KCNQ1OT1: variants seen among roughly 807,000 people sequenced by gnomAD.
The protein encoded by KCNQ1OT1 is KCNQ1 opposite strand/antisense transcript 1, also known as KCNQ1 antisense RNA 2 (non-protein coding).
exon 1 of KCNQ1OT1, chr11:2,619,469 A>G: frequency 2.5e-6 from 1 of 398,598 alleles, no homozygotes; most frequent in South Asian, 1.3e-4. Flanking sequence ...TATCACATTG[A>G]TTGCTACATG....
chr11:2,609,150 T>C lies in KCNQ1OT1; in HGVS notation n.90845A>G, dbSNP rs879543958. On this transcript the variant is annotated non_coding_transcript_exon_variant, in exon 1 of 1. Coordinates refer to ENST00000597346, the Ensembl canonical transcript of KCNQ1OT1. ...TGATTTGAAGCCTTATTTTTTGATA[T>C]AGGCATTCATAGCTATAAAATTCCA... 116 of 398,216 alleles carry C rather than the reference T, an allele frequency of 2.9e-4. 1 individual carries two copies. The highest frequency in any genetic ancestry group is 2.0e-4 in the Non-Finnish European group (46 of 225,940). The allele number at this position is 398,216 out of a possible 1,614,324, so 24.7% of individuals were successfully genotyped here. A position where few individuals can be genotyped will look rare whatever the true frequency, so the allele number is the denominator to read the frequency against.
Position 2,613,517 on chromosome 11 carries a change from A to AT in KCNQ1OT1, n.86477dup, listed in dbSNP as rs1170938754. The AT allele has an allele frequency of 7.5e-6, 3 of 398,414 alleles. No homozygotes were observed. The highest frequency in any genetic ancestry group is 1.3e-5 in the Non-Finnish European group (3 of 226,030). 24.7% of individuals were successfully genotyped at this position (398,414 alleles called of 1,614,324 possible). ...CGTGCCCCTGAGCTTGGGTGGGGAG[A>AT]TGGCAGCCCCACGTTAAATCATAAC... On this transcript the variant is annotated non_coding_transcript_exon_variant, in exon 1 of 1. Transcript: ENST00000597346. This position sits in a 1 kb window ranked among gnomAD's most constrained non-coding sequence, Gnocchi z 4.8.
exon 1 of KCNQ1OT1, chr11:2,697,733 ATTG>A (rs1210668330): frequency 1.0e-5 from 4 of 398,490 alleles, no homozygotes; most frequent in Admixed American, 4.4e-5. Flanking sequence ...TTGTTTAAGA[ATTG>A]TTGTTTAATA....
In KCNQ1OT1 at chr11:2,682,313, A is replaced by G. The variant is rs1564856711; in HGVS notation, n.17682T>C. The G allele has an allele frequency of 2.5e-6, 1 of 398,516 alleles. No individual in the cohort carries two copies. Among genetic ancestry groups the G allele is most frequent in the Non-Finnish European group, 4.4e-6 (1 of 226,050 alleles). 24.7% of individuals were successfully genotyped at this position (398,516 alleles called of 1,614,324 possible). On this transcript the variant is annotated non_coding_transcript_exon_variant, in exon 1 of 1. Coordinates refer to ENST00000597346, the Ensembl canonical transcript of KCNQ1OT1. The surrounding 1 kb of genome is among the most constrained non-coding windows in gnomAD (Gnocchi z 5.8). ...ATCACATACCTCCCCTCCCATTCTTAATGTGTAACTGTGTGTTTATTTGTG... is the reference window on the plus strand; with the variant it reads ...ATCACATACCTCCCCTCCCATTCTTGATGTGTAACTGTGTGTTTATTTGTG...
In KCNQ1OT1 at chr11:2,624,471, A is replaced by G; in HGVS notation, n.75524T>C. The G allele has an allele frequency of 2.5e-6, 1 of 398,450 alleles. No individual in the cohort carries two copies. The highest frequency in any genetic ancestry group is 3.6e-5 in the East Asian group (1 of 28,042). The allele number at this position is 398,450 out of a possible 1,614,324, so 24.7% of individuals were successfully genotyped here. ...TTTCATGAATCATGCCTTTGGTGTC[A>G]TATCTAAAAAGCCATCACCAAACTA... On this transcript the variant is annotated non_coding_transcript_exon_variant, in exon 1 of 1. Coordinates refer to ENST00000597346, the Ensembl canonical transcript of KCNQ1OT1. This position sits in a 1 kb window ranked among gnomAD's most constrained non-coding sequence, Gnocchi z 4.9.
exon 1 of KCNQ1OT1, chr11:2,680,180 A>G (rs1850367979): frequency 7.6e-6 from 3 of 395,460 alleles, no homozygotes; most frequent in Non-Finnish European, 1.3e-5. Flanking sequence ...GCGTGAGCCA[A>G]TGCACCTGGC....
chr11:2,649,242 C>G, exon 1 of KCNQ1OT1: 1 of 398,222 alleles, frequency 2.5e-6, no homozygotes, highest in Non-Finnish European at 4.4e-6. Flanking sequence ...AGGACTTACT[C>G]CTGTCATTTT....
At chr11:2,643,226 T>C in exon 1 of KCNQ1OT1, 1 of 398,318 alleles carries the variant, frequency 2.5e-6, no homozygotes, top group African/African-American at 2.1e-5. Context: ...TAATTTTTTG[T>C]CTAGATGATC....
At chr11:2,619,833 CTTTG>C (rs1453739006) in exon 1 of KCNQ1OT1, 5 of 397,130 alleles carry the variant, frequency 1.3e-5, no homozygotes, top group African/African-American at 2.1e-5. Context: ...CTGGGCTTTT[CTTTG>C]TTTGAGGTTT....
At chr11:2,616,819 A>G (rs1849073203) in exon 1 of KCNQ1OT1, 2 of 398,112 alleles carry the variant, frequency 5.0e-6, no homozygotes, top group Non-Finnish European at 8.9e-6. Flanking sequence ...CATCCCTCCT[A>G]GGGAATGTTC....
At position 2,669,836 on chromosome 11, in the gene KCNQ1OT1, C is replaced by T. The variant is rs1850149258; in HGVS notation, n.30159G>A. 5.0e-6 allele frequency: 2 copies of T among 398,546 alleles called. No individual in the cohort carries two copies. The highest frequency in any genetic ancestry group is 8.8e-6 in the Non-Finnish European group (2 of 226,088). The allele number at this position is 398,546 out of a possible 1,614,324, so 24.7% of individuals were successfully genotyped here. A position where few individuals can be genotyped will look rare whatever the true frequency, so the allele number is the denominator to read the frequency against. ...TTGAGACTGCCAGGTCATGAGTTAC[C>T]ATGGGATACAAATGGGGTCACAACA... On this transcript the variant is annotated non_coding_transcript_exon_variant, in exon 1 of 1. Transcript: ENST00000597346. This position sits in a 1 kb window ranked among gnomAD's most constrained non-coding sequence, Gnocchi z 5.6.
In KCNQ1OT1 at chr11:2,617,450, A is replaced by G. The variant is rs1849085458; in HGVS notation, n.82545T>C. On this transcript the variant is annotated non_coding_transcript_exon_variant, in exon 1 of 1. Transcript: ENST00000597346. This position sits in a 1 kb window ranked among gnomAD's most constrained non-coding sequence, Gnocchi z 4.6. ...ATATTCCATTGTAGACATACACACC[A>G]CAGTTTAGTCATCCATCAATGGACA... 1 of 398,324 alleles carries G rather than the reference A, an allele frequency of 2.5e-6. No homozygotes were observed. The highest frequency in any genetic ancestry group is 2.1e-5 in the African/African-American group (1 of 48,610). The allele number at this position is 398,324 out of a possible 1,614,324, so 24.7% of individuals were successfully genotyped here. A position where few individuals can be genotyped will look rare whatever the true frequency, so the allele number is the denominator to read the frequency against.
rs1850116307 is a variant in KCNQ1OT1, at chr11:2,668,100, C to G, written n.31895G>C. The G allele has an allele frequency of 5.0e-6, 2 of 398,576 alleles. No homozygotes were observed. Among genetic ancestry groups the G allele is most frequent in the Non-Finnish European group, 8.8e-6 (2 of 226,054 alleles). The allele number at this position is 398,576 out of a possible 1,614,324, so 24.7% of individuals were successfully genotyped here. ...ACTCATACACCTTTGTGTCCAATGT[C>G]CCTCACTCAATTTGATGTCTGGCAG... On this transcript the variant is annotated non_coding_transcript_exon_variant, in exon 1 of 1. Coordinates refer to ENST00000597346, the Ensembl canonical transcript of KCNQ1OT1. The surrounding 1 kb of genome is among the most constrained non-coding windows in gnomAD (Gnocchi z 4.3).
chr11:2,672,289 G>T, exon 1 of KCNQ1OT1: 1 of 398,654 alleles, frequency 2.5e-6, no homozygotes. Flanking sequence ...CCACCAGCTG[G>T]GTGTGTGGGC....
chr11:2,663,099 G>T lies in KCNQ1OT1; in HGVS notation n.36896C>A, dbSNP rs1278573035. 2 of 398,578 alleles carry T rather than the reference G, an allele frequency of 5.0e-6. No homozygotes were observed. Among genetic ancestry groups the T allele is most frequent in the African/African-American group, 4.1e-5 (2 of 48,642 alleles). 24.7% of individuals were successfully genotyped at this position (398,578 alleles called of 1,614,324 possible). The stretch of plus-strand genomic sequence containing the variant: ...CCAGAATGAGGCCACCTCCAGGGAA[G>T]GAGTGGCTATCTTAAGGGGTAATTA... On this transcript the variant is annotated non_coding_transcript_exon_variant, in exon 1 of 1. Coordinates refer to ENST00000597346, the Ensembl canonical transcript of KCNQ1OT1. The surrounding 1 kb of genome is among the most constrained non-coding windows in gnomAD (Gnocchi z 5.2).
chr11:2,644,709 C>A, exon 1 of KCNQ1OT1: 1 of 398,566 alleles, frequency 2.5e-6, no homozygotes, highest in South Asian at 1.3e-4. Context: ...CTAAGAGAGT[C>A]TTGTTCCTGA....
Position 2,671,008 on chromosome 11 carries a change from G to A in KCNQ1OT1, n.28987C>T. On this transcript the variant is annotated non_coding_transcript_exon_variant, in exon 1 of 1. Transcript: ENST00000597346. This position sits in a 1 kb window ranked among gnomAD's most constrained non-coding sequence, Gnocchi z 4.7. The stretch of plus-strand genomic sequence containing the variant: ...TTCATGCTTTAGATATGTGGGCCCT[G>A]TTAGGGACAACGTAGGTGTCCTGGG... 2.5e-6 allele frequency: 1 copy of A among 398,618 alleles called. No individual in the cohort carries two copies. The highest frequency in any genetic ancestry group is 4.4e-6 in the Non-Finnish European group (1 of 226,074). The allele number at this position is 398,618 out of a possible 1,614,324, so 24.7% of individuals were successfully genotyped here. A position where few individuals can be genotyped will look rare whatever the true frequency, so the allele number is the denominator to read the frequency against.
exon 1 of KCNQ1OT1, chr11:2,650,547 A>G: frequency 2.5e-6 from 1 of 398,680 alleles, no homozygotes; most frequent in Non-Finnish European, 4.4e-6. Context: ...CAAGTTCATC[A>G]GTGGCTTAGG....
chr11:2,662,348 G>C, exon 1 of KCNQ1OT1: 1 of 565,788 alleles, frequency 1.8e-6, no homozygotes, highest in Admixed American at 3.1e-5. Flanking sequence ...TTCATGCTTT[G>C]AGAGTCTGAG....
Sources: gnomAD v4.1 joint callset for allele counts on GRCh38, gnomAD v4.1.1 for gene constraint, Gnocchi (gnomAD v3.1) non-coding constraint, MANE v1.5 for transcripts, NCBI Gene and HGNC (gene_info 2026-07-23, HGNC 2026-07-21) for gene names.